ACVR1C: variants seen among roughly 807,000 people sequenced by gnomAD.
The protein encoded by ACVR1C is activin A receptor type 1C, also known as activin receptor type-1C.
ACVR1C carries 23 observed loss-of-function variants against 57.9 expected under a neutral mutation model. That is an observed-to-expected ratio of 0.40 (90% CI 0.29 to 0.56). ACVR1C has a LOEUF of 0.56. Among genes scored for constraint, ACVR1C ranks in the 20% least tolerant of loss-of-function variants. The pLI is 0.50. For missense variants in ACVR1C, 480 were observed against 607.9 expected (o/e 0.79, Z 2.21); for synonymous variants, 214 against 215.3 (o/e 0.99, Z 0.05).
At chr2:157,541,264 C>T in intron 6 of ACVR1C, 50 bp from the exon 7 acceptor site, 8 of 1,552,554 alleles carry the variant, frequency 5.2e-6, no homozygotes, top group Non-Finnish European at 7.0e-6. Context: ...TATAGCAGTC[C>T]AGTAAAACAA....
At chr2:157,602,653 G>C (rs980505353) in intron 1 of ACVR1C, among the ~76,000 whole-genome samples, 1 of 152,088 alleles carries the variant, frequency 6.6e-6, no homozygotes, top group African/African-American at 2.4e-5. Flanking sequence ...CCCAAATCAA[G>C]TAATATCCTC....
rs150933241 is a variant in ACVR1C, at chr2:157,534,420, G to A, written c.1357-377C>T. On this transcript the variant is annotated intron_variant, in intron 8 of 8. Coordinates refer to ENST00000243349, the MANE Select transcript of ACVR1C (RefSeq NM_145259.3). ...CTACCAAAACTCAAATACTAACCTT[G>A]TAGAGACTAACTAAAAAATGTTTCA... 7.4e-3 allele frequency among the ~76,000 whole-genome samples: 1,119 copies of A among 152,212 alleles called. 12 individuals carry two copies. Among genetic ancestry groups the A allele is most frequent in the Non-Finnish European group, 9.2e-3 (624 of 67,992 alleles).
intron 4 of ACVR1C, among the ~76,000 whole-genome samples, chr2:157,546,802 A>G (rs1458141051): frequency 2.6e-5 from 4 of 151,990 alleles, no homozygotes; most frequent in Admixed American, 2.6e-4. Flanking sequence ...ATGAGTACTT[A>G]TTTTATTTTA....
chr2:157,546,192 A>G (rs188940896), intron 4 of ACVR1C, among the ~76,000 whole-genome samples: 1 of 152,356 alleles, frequency 6.6e-6, no homozygotes, highest in Non-Finnish European at 1.5e-5. Flanking sequence ...TCCAACCAGT[A>G]GGCAGTTCAG....
At chr2:157,557,660 A>G (rs1688136645) in intron 2 of ACVR1C, among the ~76,000 whole-genome samples, 1 of 152,198 alleles carries the variant, frequency 6.6e-6, no homozygotes, top group Admixed American at 6.5e-5. Context: ...CAAATGACAG[A>G]ATCACTAAAA....
intron 4 of ACVR1C, among the ~76,000 whole-genome samples, chr2:157,548,030 T>C (rs1411223538): frequency 3.3e-5 from 5 of 152,176 alleles, no homozygotes. Context: ...TTCAGCTTTC[T>C]ATTGTCTCAG....
At chr2:157,557,800 A>G (rs1446084349) in intron 2 of ACVR1C, among the ~76,000 whole-genome samples, 1 of 152,074 alleles carries the variant, frequency 6.6e-6, no homozygotes, top group East Asian at 1.9e-4. Flanking sequence ...CATGAAGCCA[A>G]TTTTTTTGCT....
chr2:157,541,032 A>C, intron 7 of ACVR1C, 58 bp downstream of exon 7: 12 of 1,561,242 alleles, frequency 7.7e-6, no homozygotes, highest in Non-Finnish European at 9.6e-6. Flanking sequence ...AGAATATCAC[A>C]TCTTGTATTC....
intron 7 of ACVR1C, among the ~76,000 whole-genome samples, chr2:157,540,523 C>A (rs1687601920): frequency 6.6e-6 from 1 of 152,100 alleles, no homozygotes; most frequent in Non-Finnish European, 1.5e-5. Flanking sequence ...TCTCGAACTC[C>A]CGACCTCAGT....
chr2:157,554,239 GAAAGAAAGAAAGAAAGAAAGAAAGAAAGA>G (rs1558974963), intron 3 of ACVR1C, among the ~76,000 whole-genome samples: 1 of 115,780 alleles, frequency 8.6e-6, no homozygotes, highest in African/African-American at 4.1e-5. Context: ...AAGAAAGAAA[GAAAGAAAGAAAGAAAGAAAGAAAGAAAGA>G]AAGGAAGGAA....
chr2:157,535,164 G>C (rs907060913), intron 8 of ACVR1C, among the ~76,000 whole-genome samples: 1 of 139,892 alleles, frequency 7.1e-6, no homozygotes, highest in African/African-American at 2.6e-5. Context: ...AAAAAAAAAG[G>C]CTTAGAAAGC....
intron 1 of ACVR1C, among the ~76,000 whole-genome samples, chr2:157,599,751 T>A (rs1257536779): frequency 6.6e-6 from 1 of 152,222 alleles, no homozygotes; most frequent in African/African-American, 2.4e-5. Flanking sequence ...TTACCAATTA[T>A]AATCAACTCC....
At chr2:157,596,224 T>C (rs539624565) in intron 1 of ACVR1C, among the ~76,000 whole-genome samples, 2 of 152,262 alleles carry the variant, frequency 1.3e-5, no homozygotes, top group Non-Finnish European at 1.5e-5. Context: ...TAGAACAGAA[T>C]AGAATAGAAA....
intron 1 of ACVR1C, among the ~76,000 whole-genome samples, chr2:157,627,020 G>C (rs1357715928): frequency 6.6e-6 from 1 of 151,976 alleles, no homozygotes; most frequent in Non-Finnish European, 1.5e-5. Flanking sequence ...TATGCTCAAG[G>C]TCTCTGAAAT....
Position 157,628,696 on chromosome 2 carries a change from A to T in ACVR1C, c.-52T>A, listed in dbSNP as rs1682962569. On this transcript the variant is annotated 5_prime_UTR_variant, in exon 1 of 9. Coordinates refer to ENST00000243349, the MANE Select transcript of ACVR1C (RefSeq NM_145259.3). ...GCGAGGCCCCAGAGCAGAGCGAGGC[A>T]GCCGGGGCAGCACGGCCCGCTTTGA... 1.4e-6 allele frequency: 2 copies of T among 1,452,376 alleles called. No individual in the cohort carries two copies. Among genetic ancestry groups the T allele is most frequent in the Admixed American group, 4.9e-5 (2 of 40,600 alleles). The allele number at this position is 1,452,376 out of a possible 1,614,324, so 90.0% of individuals were successfully genotyped here.
At chr2:157,606,155 A>G (rs1226866788) in intron 1 of ACVR1C, among the ~76,000 whole-genome samples, 1 of 151,704 alleles carries the variant, frequency 6.6e-6, no homozygotes, top group Non-Finnish European at 1.5e-5. Context: ...TGGCTGAACA[A>G]TATTCCATCA....
intron 3 of ACVR1C, among the ~76,000 whole-genome samples, chr2:157,554,213 A>AAGAAAGAAAGAG (rs1558974841): frequency 2.9e-4 from 28 of 97,798 alleles, no homozygotes; most frequent in South Asian, 2.5e-3. Flanking sequence ...GAAAGAAAGA[A>AAGAAAGAAAGAG]AGAAAGAAAG....
intron 3 of ACVR1C, among the ~76,000 whole-genome samples, chr2:157,554,329 AAGAGAAAG>A (rs1215224576): frequency 1.4e-4 from 21 of 147,056 alleles, no homozygotes; most frequent in Non-Finnish European, 2.5e-4. Flanking sequence ...AAGAAAAAGA[AAGAGAAAG>A]AGAGAAAGAA....
chr2:157,616,159 A>C (rs1177213454), intron 1 of ACVR1C, among the ~76,000 whole-genome samples: 1 of 152,084 alleles, frequency 6.6e-6, no homozygotes, highest in African/African-American at 2.4e-5. Flanking sequence ...ATTTTATATT[A>C]CTTGTTATTA....
Sources: allele counts gnomAD v4.1 joint callset (sites outside exome capture counted in the v4.1 genomes callset), GRCh38; gene constraint gnomAD v4.1.1; transcripts MANE v1.5; gene names NCBI Gene and HGNC (gene_info 2026-07-23, HGNC 2026-07-21).